SPATA16: variants seen among roughly 807,000 people sequenced by gnomAD.
SPATA16 encodes spermatogenesis associated 16, also known as spermatogenesis-associated protein 16.
Under a neutral mutation model 63.3 loss-of-function variants are expected in SPATA16, and 36 were observed. The observed-to-expected ratio is 0.57, with a 90% CI of 0.44 to 0.75. The LOEUF is 0.75. Ranked by LOEUF, SPATA16 falls within the 30% of genes least tolerant of loss-of-function variation. The pLI is 0.00. For missense variants in SPATA16, 646 were observed against 679.3 expected (o/e 0.95, Z 0.54); for synonymous variants, 203 against 216.7 (o/e 0.94, Z 0.56).
intron 2 of SPATA16, among the ~76,000 whole-genome samples, chr3:173,086,098 T>C (rs187298988): frequency 6.6e-6 from 1 of 152,138 alleles, no homozygotes; most frequent in Non-Finnish European, 1.5e-5. Context: ...TGGAATAATT[T>C]CAGAAAAAAT....
At chr3:173,135,861 C>T (rs76287092) in intron 1 of SPATA16, among the ~76,000 whole-genome samples, 14,302 of 152,216 alleles carry the variant, frequency 0.094, 838 homozygotes, top group East Asian at 0.26. Context: ...GAGCTGGTTA[C>T]ACCAATGTGT....
intron 2 of SPATA16, among the ~76,000 whole-genome samples, chr3:173,064,853 T>G (rs1373311475): frequency 2.6e-5 from 4 of 152,184 alleles, no homozygotes; most frequent in Non-Finnish European, 5.9e-5. Flanking sequence ...GGAAGGGGAA[T>G]GATGAAAAAT....
At position 173,098,605 on chromosome 3, in the gene SPATA16, G is replaced by T. The variant is rs552975493; in HGVS notation, c.612+18515C>A. Among the ~76,000 whole-genome samples the T allele has an allele frequency of 3.9e-5, 6 of 152,260 alleles. No individual in the cohort carries two copies. The South Asian group carries it at 1.0e-3, about 26-fold the overall frequency. ...TAGGGAGAGATTTGCCAACATGCAT[G>T]ATGAAGAAGTGGAAGATCATATTGA... On this transcript the variant is annotated intron_variant, in intron 2 of 10. Transcript: ENST00000351008.
chr3:173,100,497 G>T (rs916674327), intron 2 of SPATA16, among the ~76,000 whole-genome samples: 1 of 151,952 alleles, frequency 6.6e-6, no homozygotes, highest in African/African-American at 2.4e-5. Context: ...TGTGAATATT[G>T]TTTCATTAGT....
intron 8 of SPATA16, 136 bp downstream of exon 8, chr3:172,924,072 T>G: frequency 1.4e-6 from 1 of 702,788 alleles, no homozygotes; most frequent in Non-Finnish European, 2.4e-6. Flanking sequence ...AATTTGCTTG[T>G]TTTTGCAAAT....
chr3:173,065,260 C>CT (rs11389955), intron 2 of SPATA16, among the ~76,000 whole-genome samples: 29,462 of 147,142 alleles, frequency 0.2, 4,332 homozygotes, highest in African/African-American at 0.43. Context: ...TCAAGAAACA[C>CT]TTTTTTTTTT....
chr3:173,006,966 T>C (rs973391566), intron 4 of SPATA16, among the ~76,000 whole-genome samples: 3 of 152,234 alleles, frequency 2.0e-5, no homozygotes, highest in African/African-American at 7.2e-5. Flanking sequence ...AATACTTTAA[T>C]GTGTCTCGTC....
At chr3:173,031,413 G>C (rs184670220) in intron 3 of SPATA16, among the ~76,000 whole-genome samples, 1 of 150,780 alleles carries the variant, frequency 6.6e-6, no homozygotes, top group African/African-American at 2.5e-5. Flanking sequence ...AAAGAGGGTC[G>C]CATAGCCAGT....
At chr3:172,983,261 T>A (rs1441593206) in intron 4 of SPATA16, among the ~76,000 whole-genome samples, 10 of 152,146 alleles carry the variant, frequency 6.6e-5, no homozygotes, top group Admixed American at 2.0e-4. Context: ...CAATAATTTA[T>A]TAATCTTCTT....
At chr3:172,992,129 T>C (rs1173237743) in intron 4 of SPATA16, among the ~76,000 whole-genome samples, 1 of 152,134 alleles carries the variant, frequency 6.6e-6, no homozygotes, top group Non-Finnish European at 1.5e-5. Flanking sequence ...TTTGTTTCTT[T>C]TGAGGTTTGC....
chr3:173,130,665 G>C (rs1261015915), intron 1 of SPATA16, among the ~76,000 whole-genome samples: 1 of 152,184 alleles, frequency 6.6e-6, no homozygotes, highest in African/African-American at 2.4e-5. Flanking sequence ...ACATATGCAT[G>C]TCAAGCCACT....
chr3:173,116,410 T>C (rs533694475), intron 2 of SPATA16, among the ~76,000 whole-genome samples: 5 of 152,332 alleles, frequency 3.3e-5, no homozygotes, highest in Admixed American at 6.5e-5. Context: ...TACAGTTTGG[T>C]CCTTCTATAG....
intron 2 of SPATA16, among the ~76,000 whole-genome samples, chr3:173,082,153 C>T (rs375772940): frequency 1.3e-5 from 2 of 152,134 alleles, no homozygotes; most frequent in Non-Finnish European, 2.9e-5. Context: ...ACCAGGCGTA[C>T]CCCAACATTT....
At chr3:172,925,517 A>C in intron 6 of SPATA16, 25 bp from the exon 7 acceptor site, 1 of 1,613,810 alleles carries the variant, frequency 6.2e-7, no homozygotes, top group Non-Finnish European at 8.5e-7. Context: ...AAAGAGAACT[A>C]AGAGGCTTTG....
intron 1 of SPATA16, among the ~76,000 whole-genome samples, chr3:173,132,156 G>T (rs1373136668): frequency 6.6e-6 from 1 of 152,062 alleles, no homozygotes; most frequent in African/African-American, 2.4e-5. Flanking sequence ...AAATTCTAGA[G>T]TTGAGAAATA....
At chr3:173,061,453 T>G (rs1164658104) in intron 2 of SPATA16, among the ~76,000 whole-genome samples, 1 of 152,188 alleles carries the variant, frequency 6.6e-6, no homozygotes, top group African/African-American at 2.4e-5. Context: ...TCATAGTTAT[T>G]GTACTTTTTA....
At chr3:172,995,420 TC>T (rs1216624425) in intron 4 of SPATA16, among the ~76,000 whole-genome samples, 10 of 152,054 alleles carry the variant, frequency 6.6e-5, no homozygotes. Flanking sequence ...TAGCTTCAAT[TC>T]TAACAGAACT....
intron 10 of SPATA16, among the ~76,000 whole-genome samples, chr3:172,908,670 A>G (rs1008448764): frequency 6.6e-6 from 1 of 152,178 alleles, no homozygotes. Context: ...CCCTTTAACT[A>G]TGTGGAACTA....
At chr3:173,038,517 C>T (rs1472636141) in intron 3 of SPATA16, among the ~76,000 whole-genome samples, 1 of 151,966 alleles carries the variant, frequency 6.6e-6, no homozygotes, top group Non-Finnish European at 1.5e-5. Flanking sequence ...CTCTATGTTT[C>T]CCTAGAATTT....
Sources: allele counts gnomAD v4.1 joint callset (sites outside exome capture counted in the v4.1 genomes callset), GRCh38; gene constraint gnomAD v4.1.1; transcripts MANE v1.5; gene names NCBI Gene and HGNC (gene_info 2026-07-23, HGNC 2026-07-21).